The following GRM8 variants were observed in gnomAD, a reference collection of about 807,000 sequenced individuals.
GRM8 encodes the protein glutamate metabotropic receptor 8, also known as metabotropic glutamate receptor 8.
Under a neutral mutation model 87.2 loss-of-function variants are expected in GRM8, and 47 were observed. The ratio of observed to expected loss-of-function variants is 0.54; its 90% CI spans 0.43 to 0.69. The LOEUF (loss-of-function observed/expected upper bound fraction) is 0.69. Among genes scored for constraint, GRM8 ranks in the 30% least tolerant of loss-of-function variants. The pLI, the probability that GRM8 is intolerant of heterozygous loss-of-function variation, is 0.00. For synonymous variants in GRM8, 396 were observed against 404.5 expected, an observed-to-expected ratio of 0.98 and a Z score of 0.25; for missense variants, 1,019 against 1,139.2, an observed-to-expected ratio of 0.89 and a Z score of 1.52.
chr7:126,982,367 T>C (rs1240469489), intron 3 of GRM8, among the ~76,000 whole-genome samples: 2 of 152,132 alleles, frequency 1.3e-5, no homozygotes, highest in Admixed American at 1.3e-4. Context: ...AGTCCTTCAA[T>C]CCAATCAAGT....
chr7:126,987,534 T>C lies in GRM8; in HGVS notation c.728-82851A>G, dbSNP rs554466094. Reference sequence around the variant, plus strand: ...GGAGTGCAGTGGTGCAATCTCGGCTTACTGCAAGCTCCGCCTCCCAGGTTC... The same window carrying C: ...GGAGTGCAGTGGTGCAATCTCGGCTCACTGCAAGCTCCGCCTCCCAGGTTC... On this transcript the variant is annotated intron_variant, in intron 3 of 10. Coordinates refer to ENST00000339582, the MANE Select transcript of GRM8 (RefSeq NM_000845.3). 5.9e-5 allele frequency among the ~76,000 whole-genome samples: 9 copies of C among 152,102 alleles called. No individual in the cohort carries two copies. In the South Asian group the frequency reaches 8.3e-4, roughly 14 times the overall value.
At chr7:126,756,720 T>G (rs1213567521) in intron 7 of GRM8, among the ~76,000 whole-genome samples, 1 of 151,980 alleles carries the variant, frequency 6.6e-6, no homozygotes, top group Non-Finnish European at 1.5e-5. Flanking sequence ...ACTGTGGAGA[T>G]AGTTAAAAGA....
chr7:126,603,859 C>G (rs371054910), intron 8 of GRM8, among the ~76,000 whole-genome samples: 3 of 152,038 alleles, frequency 2.0e-5, no homozygotes, highest in African/African-American at 7.2e-5. Context: ...ACTGTCAAAG[C>G]AAGCAAAGGT....
rs950983057 is a variant in GRM8, at chr7:126,685,991, C to G, written c.1358-76493G>C. The stretch of plus-strand genomic sequence containing the variant: ...CCTCCCCTCTGAGGCCCATAAAAAC[C>G]CCCAGACTCAGCCAGACTCAAGCAG... On this transcript the variant is annotated intron_variant, in intron 7 of 10. Coordinates refer to ENST00000339582, the MANE Select transcript of GRM8 (RefSeq NM_000845.3). The surrounding 1 kb of genome is among the most constrained non-coding windows in gnomAD (Gnocchi z 4.2). Among the ~76,000 whole-genome samples, 1 of 151,704 alleles carries G rather than the reference C, an allele frequency of 6.6e-6. No homozygotes were observed. The highest frequency in any genetic ancestry group is 2.0e-4 in the East Asian group (1 of 5,082).
rs1222200691 is a variant in GRM8 at position 126,779,097 on chromosome 7, T to C, written c.1157-9032A>G. On this transcript the variant is annotated intron_variant, in intron 6 of 10. Transcript: ENST00000339582. ...TTATAGAAAAGCATGGTTTTTTATC[T>C]TGTCCTTAATCTTTCATTAAGATTC... 2.6e-5 allele frequency among the ~76,000 whole-genome samples: 4 copies of C among 152,088 alleles called. No individual in the cohort carries two copies. In the East Asian group the frequency reaches 7.7e-4, roughly 29 times the overall value.
At chr7:126,613,745 C>T (rs1255773613) in intron 7 of GRM8, among the ~76,000 whole-genome samples, 1 of 152,238 alleles carries the variant, frequency 6.6e-6, no homozygotes, top group African/African-American at 2.4e-5. Context: ...ACACCTGGCT[C>T]AGAGGGTCCC....
chr7:127,008,832 C>T (rs1227050696), intron 3 of GRM8, among the ~76,000 whole-genome samples: 1 of 151,970 alleles, frequency 6.6e-6, no homozygotes. Flanking sequence ...AATATATATC[C>T]GTTGCTCATC....
chr7:127,098,917 C>T (rs1485850115), intron 3 of GRM8, among the ~76,000 whole-genome samples: 1 of 152,172 alleles, frequency 6.6e-6, no homozygotes, highest in Non-Finnish European at 1.5e-5. Flanking sequence ...GGTGTGCTGC[C>T]ATACTGTGCA....
At chr7:126,882,965 G>A (rs1800155560) in intron 6 of GRM8, among the ~76,000 whole-genome samples, 1 of 152,206 alleles carries the variant, frequency 6.6e-6, no homozygotes, top group African/African-American at 2.4e-5. Flanking sequence ...AAGACAGTTT[G>A]ATCAAAATAG....
rs996289811 is a variant in GRM8, at chr7:126,533,286, G to A, written c.2096C>T (p.Thr699Ile). ...GAGCTGGACGGAGATGAGGCTGAAG[G>A]TGATCACCAGCTGAGATGCTGGACT... ...FISPASQLVI[T>I]FSLISVQLLG... Residue 699 changes from threonine (T) to isoleucine (I), a missense_variant, in exon 9 of 11, where the codon ACC becomes ATC. Transcript: ENST00000339582. 3 of 1,613,678 alleles carry A rather than the reference G, an allele frequency of 1.9e-6. No individual in the cohort carries two copies. The highest frequency in any genetic ancestry group is 2.5e-6 in the Non-Finnish European group (3 of 1,179,906).
chr7:126,652,277 C>T (rs1015734915), intron 7 of GRM8, among the ~76,000 whole-genome samples: 11 of 152,200 alleles, frequency 7.2e-5, no homozygotes, highest in Admixed American at 5.2e-4. Flanking sequence ...CATTATGTTA[C>T]GTGTAATTAT....
intron 9 of GRM8, among the ~76,000 whole-genome samples, chr7:126,447,660 G>C (rs1005348651): frequency 6.6e-6 from 1 of 151,924 alleles, no homozygotes; most frequent in Non-Finnish European, 1.5e-5. Flanking sequence ...GTAAATAACT[G>C]AATCAGCATT....
chr7:127,130,368 C>G (rs376900910), intron 2 of GRM8, among the ~76,000 whole-genome samples: 2 of 152,106 alleles, frequency 1.3e-5, no homozygotes, highest in South Asian at 2.1e-4. Context: ...GCTCAGGAGA[C>G]AGAAGAATGT....
At chr7:127,117,265 GC>G in intron 2 of GRM8, among the ~76,000 whole-genome samples, 1 of 18,622 alleles carries the variant, frequency 5.4e-5, no homozygotes, top group Non-Finnish European at 1.5e-4. Context: ...AAAGAACCTG[GC>G]TTTGCTTTGC....
chr7:126,803,923 C>A (rs1792377919), intron 6 of GRM8, among the ~76,000 whole-genome samples: 1 of 152,186 alleles, frequency 6.6e-6, no homozygotes, highest in South Asian at 2.1e-4. Flanking sequence ...CATAGTAAAT[C>A]GTCACTAATA....
intron 2 of GRM8, among the ~76,000 whole-genome samples, chr7:127,147,514 C>T (rs1034516879): frequency 5.3e-5 from 8 of 152,096 alleles, no homozygotes; most frequent in Non-Finnish European, 1.0e-4. Context: ...GGGCAAATTC[C>T]CTCCTATCCC....
At chr7:126,584,880 T>A (rs1795947760) in intron 8 of GRM8, among the ~76,000 whole-genome samples, 1 of 152,186 alleles carries the variant, frequency 6.6e-6, no homozygotes, top group African/African-American at 2.4e-5. Context: ...AATTTTTACA[T>A]GTTTATTAAA....
intron 3 of GRM8, among the ~76,000 whole-genome samples, chr7:126,952,450 T>C (rs1390527110): frequency 6.6e-6 from 1 of 152,048 alleles, no homozygotes; most frequent in African/African-American, 2.4e-5. Flanking sequence ...CATGGATGTA[T>C]GCTGAAATCA....
chr7:126,455,164 T>C (rs1803078629), intron 9 of GRM8, among the ~76,000 whole-genome samples: 1 of 151,702 alleles, frequency 6.6e-6, no homozygotes, highest in South Asian at 2.1e-4. Flanking sequence ...CTCACACTAA[T>C]CCTGTAAGGT....
Sources: gnomAD v4.1 joint callset for allele counts (sites outside exome capture counted in the v4.1 genomes callset) on GRCh38, gnomAD v4.1.1 for gene constraint, Gnocchi (gnomAD v3.1) non-coding constraint, MANE v1.5 for transcripts, NCBI Gene and HGNC (gene_info 2026-07-23, HGNC 2026-07-21) for gene names.